FRRS1L: variants seen among roughly 807,000 people sequenced by gnomAD.
FRRS1L encodes ferric chelate reductase 1 like.
FRRS1L carries 22 observed loss-of-function variants against 28.6 expected under a neutral mutation model. The observed-to-expected ratio is 0.77, with a 90% CI of 0.55 to 1.10. The LOEUF is 1.10. Ranked by LOEUF, FRRS1L falls within the 50% of genes least tolerant of loss-of-function variation. FRRS1L has a pLI of 0.00. For missense variants in FRRS1L, 380 were observed against 386.9 expected, an observed-to-expected ratio of 0.98 and a Z score of 0.15; for synonymous variants, 158 against 151.4, an observed-to-expected ratio of 1.04 and a Z score of -0.32.
At chr9:109,162,650 A>G (rs556395609) in intron 1 of FRRS1L, among the ~76,000 whole-genome samples, 28 of 152,236 alleles carry the variant, frequency 1.8e-4, no homozygotes, top group Non-Finnish European at 3.8e-4. Flanking sequence ...TCTAATTGGT[A>G]TTATGATCAG....
intron 1 of FRRS1L, among the ~76,000 whole-genome samples, chr9:109,163,360 T>C (rs1831502976): frequency 6.6e-6 from 1 of 152,196 alleles, no homozygotes; most frequent in African/African-American, 2.4e-5. Context: ...AAGAATATCT[T>C]CTGTGGGAGA....
intron 3 of FRRS1L, among the ~76,000 whole-genome samples, chr9:109,144,692 C>CT (rs869031930): frequency 1.5e-4 from 17 of 113,726 alleles, no homozygotes; most frequent in African/African-American, 4.0e-4. Context: ...TTTTCTTTTT[C>CT]TTTTTTTTGA....
intron 1 of FRRS1L, among the ~76,000 whole-genome samples, chr9:109,164,130 C>A (rs1366190310): frequency 1.3e-5 from 2 of 152,162 alleles, no homozygotes; most frequent in Non-Finnish European, 2.9e-5. Flanking sequence ...TCAGGACCCA[C>A]AGGGATGAAG....
rs1321687451 is a variant in FRRS1L at position 109,132,142 on chromosome 9, T to A, written c.*5313A>T. Reference sequence around the variant, plus strand: ...GCTCCCGCCACCACGCCCAGCTAATTTTTTTTGTATTTTTAGTAGAGATGG... The same window carrying A: ...GCTCCCGCCACCACGCCCAGCTAATATTTTTTGTATTTTTAGTAGAGATGG... On this transcript the variant is annotated 3_prime_UTR_variant, in exon 5 of 5. Coordinates refer to ENST00000561981, the MANE Select transcript of FRRS1L (RefSeq NM_014334.4). 6.6e-6 allele frequency: 1 copy of A among 151,854 alleles called. No individual in the cohort carries two copies. The highest frequency in any genetic ancestry group is 1.5e-5 in the Non-Finnish European group (1 of 68,016). 9.4% of individuals were successfully genotyped at this position (151,854 alleles called of 1,614,324 possible). A position where few individuals can be genotyped will look rare whatever the true frequency, so the allele number is the denominator to read the frequency against.
chr9:109,166,299 G>T (rs1260481031), intron 1 of FRRS1L, among the ~76,000 whole-genome samples: 1 of 152,126 alleles, frequency 6.6e-6, no homozygotes, highest in Non-Finnish European at 1.5e-5. Flanking sequence ...AACAATGGTG[G>T]CTCGCACTAG....
chr9:109,153,678 T>C (rs115391794), intron 1 of FRRS1L, among the ~76,000 whole-genome samples: 11 of 152,328 alleles, frequency 7.2e-5, no homozygotes, highest in African/African-American at 2.4e-4. Flanking sequence ...GTCTGAGGTG[T>C]GGACAATCTT....
chr9:109,137,263 A>G lies in FRRS1L; in HGVS notation c.*192T>C. 1 of 360,532 alleles carries G rather than the reference A, an allele frequency of 2.8e-6. No individual in the cohort carries two copies. Among genetic ancestry groups the G allele is most frequent in the Non-Finnish European group, 4.9e-6 (1 of 202,974 alleles). 22.3% of individuals were successfully genotyped at this position (360,532 alleles called of 1,614,324 possible). A position where few individuals can be genotyped will look rare whatever the true frequency, so the allele number is the denominator to read the frequency against. ...TAGAAAAGGTGTAAGTATGTTCCAA[A>G]AGTATAGGGTCATTATTAAACAATC... is the stretch of plus-strand genomic sequence containing the variant. On this transcript the variant is annotated 3_prime_UTR_variant, in exon 5 of 5. Coordinates refer to ENST00000561981, the MANE Select transcript of FRRS1L (RefSeq NM_014334.4).
At chr9:109,152,678 C>T (rs780019836) in intron 1 of FRRS1L, among the ~76,000 whole-genome samples, 6 of 150,744 alleles carry the variant, frequency 4.0e-5, no homozygotes, top group Non-Finnish European at 8.9e-5. Context: ...GTGGTGGGCA[C>T]CTGTAGTCCC....
chr9:109,137,536 A>G lies in FRRS1L; in HGVS notation c.801T>C (p.Ala267=). The part of the protein sequence containing the change: ...YKYEDIFMPS[A]AYQTFSSPFC... Reference sequence around the variant, plus strand: ...ATGGAGATGAGAAGGTTTGATAGGCAGCTGATGGCATAAAAATGTCTTCAT... The same window carrying G: ...ATGGAGATGAGAAGGTTTGATAGGCGGCTGATGGCATAAAAATGTCTTCAT... Residue 267 remains alanine, a synonymous_variant, in exon 5 of 5, where the codon GCT becomes GCC. Transcript: ENST00000561981. 1 of 1,613,588 alleles carries G rather than the reference A, an allele frequency of 6.2e-7. No individual in the cohort carries two copies. Among genetic ancestry groups the G allele is most frequent in the Non-Finnish European group, 8.5e-7 (1 of 1,179,576 alleles).
chr9:109,152,803 C>CCAA (rs1831349467), intron 1 of FRRS1L, among the ~76,000 whole-genome samples: 1 of 24,116 alleles, frequency 4.1e-5, no homozygotes, highest in African/African-American at 2.5e-4. Flanking sequence ...GACTCCATCT[C>CCAA]AAAAAAAAAA....
At chr9:109,153,005 T>C (rs1831355180) in intron 1 of FRRS1L, among the ~76,000 whole-genome samples, 1 of 152,100 alleles carries the variant, frequency 6.6e-6, no homozygotes, top group Non-Finnish European at 1.5e-5. Context: ...TAGGAACTTG[T>C]GTTCTGTCAA....
chr9:109,156,255 T>G (rs1434169264), intron 1 of FRRS1L, among the ~76,000 whole-genome samples: 2 of 152,242 alleles, frequency 1.3e-5, no homozygotes, highest in Non-Finnish European at 2.9e-5. Context: ...TTTGTGTATC[T>G]TATGAGAGTT....
intron 3 of FRRS1L, among the ~76,000 whole-genome samples, chr9:109,145,194 AAG>A (rs1048761921): frequency 3.3e-5 from 5 of 152,176 alleles, no homozygotes; most frequent in Non-Finnish European, 7.3e-5. Context: ...CTCCAGAGGA[AAG>A]AGAGAAAAAC....
intron 3 of FRRS1L, among the ~76,000 whole-genome samples, chr9:109,146,602 A>C (rs1050902536): frequency 2.0e-5 from 3 of 152,188 alleles, no homozygotes; most frequent in African/African-American, 7.2e-5. Context: ...CCCTCTTATA[A>C]GTGGTTCTTT....
intron 3 of FRRS1L, among the ~76,000 whole-genome samples, chr9:109,145,958 G>A (rs780749503): frequency 6.6e-6 from 1 of 152,184 alleles, no homozygotes; most frequent in Non-Finnish European, 1.5e-5. Flanking sequence ...GACTCTGAGA[G>A]GTCGAGGTGG....
At chr9:109,158,743 T>TA (rs1347360901) in intron 1 of FRRS1L, among the ~76,000 whole-genome samples, 6 of 152,264 alleles carry the variant, frequency 3.9e-5, no homozygotes, top group African/African-American at 1.4e-4. Flanking sequence ...ATCAGTTTGA[T>TA]AGACATTTGG....
intron 1 of FRRS1L, among the ~76,000 whole-genome samples, chr9:109,158,824 A>G (rs919483728): frequency 1.3e-5 from 2 of 152,250 alleles, no homozygotes; most frequent in African/African-American, 4.8e-5. Context: ...ATATGTTTCC[A>G]ATTCCCTTGG....
chr9:109,161,435 C>T (rs1588104592), intron 1 of FRRS1L, among the ~76,000 whole-genome samples: 1 of 152,240 alleles, frequency 6.6e-6, no homozygotes, highest in African/African-American at 2.4e-5. Flanking sequence ...ACTCTATAAG[C>T]TCTTTCAGTA....
rs1831105577 is a variant in FRRS1L, at chr9:109,135,927, G to A, written c.*1528C>T. The stretch of plus-strand genomic sequence containing the variant: ...CCCTAAATTTTTACTAAGATGTTTT[G>A]TCTGATATAACACATTTTTAGGCCA... On this transcript the variant is annotated 3_prime_UTR_variant, in exon 5 of 5. Coordinates refer to ENST00000561981, the MANE Select transcript of FRRS1L (RefSeq NM_014334.4). 1 of 151,848 alleles carries A rather than the reference G, an allele frequency of 6.6e-6. No homozygotes were observed. The highest frequency in any genetic ancestry group is 6.6e-5 in the Admixed American group (1 of 15,240). 9.4% of individuals were successfully genotyped at this position (151,848 alleles called of 1,614,324 possible).
Sources: gnomAD v4.1 joint callset for allele counts (sites outside exome capture counted in the v4.1 genomes callset) on GRCh38, gnomAD v4.1.1 for gene constraint, MANE v1.5 for transcripts, NCBI Gene and HGNC (gene_info 2026-07-23, HGNC 2026-07-21) for gene names.